Variants in MARCHF1 observed in about 807,000 individuals in gnomAD.
The protein encoded by MARCHF1 is E3 ubiquitin-protein ligase MARCHF1.
MARCHF1 carries 40 observed loss-of-function variants against 54.2 expected under a neutral mutation model. The observed-to-expected ratio is 0.74, with a 90% confidence interval of 0.57 to 0.96. The LOEUF (loss-of-function observed/expected upper bound fraction) is 0.96. Among genes scored for constraint, MARCHF1 ranks in the 40% least tolerant of loss-of-function variants. MARCHF1 has a pLI of 0.00. For synonymous variants in MARCHF1, 236 were observed against 236.3 expected (o/e 1.00, Z 0.01); for missense variants, 586 against 656.5 (o/e 0.89, Z 1.17).
intron 4 of MARCHF1, among the ~76,000 whole-genome samples, chr4:163,841,640 C>T (rs529038459): frequency 2.6e-5 from 4 of 152,004 alleles, no homozygotes; most frequent in Non-Finnish European, 5.9e-5. Flanking sequence ...TTGGATAGTT[C>T]TAGTTTGTCT....
At chr4:164,017,836 C>A (rs200373000) in intron 2 of MARCHF1, among the ~76,000 whole-genome samples, 190 of 137,890 alleles carry the variant, frequency 1.4e-3, no homozygotes, top group Non-Finnish European at 1.6e-3. Flanking sequence ...CCTAAATTAG[C>A]AAAAAAAAAA....
chr4:163,652,128 T>C (rs1350979869), intron 5 of MARCHF1, among the ~76,000 whole-genome samples: 1 of 151,872 alleles, frequency 6.6e-6, no homozygotes, highest in Non-Finnish European at 1.5e-5. Flanking sequence ...CACTATCTCA[T>C]CTAGGAAGGC....
intron 3 of MARCHF1, among the ~76,000 whole-genome samples, chr4:163,985,771 A>G (rs1407299994): frequency 1.3e-5 from 2 of 152,240 alleles, no homozygotes; most frequent in African/African-American, 4.8e-5. Context: ...TTCTGAAATT[A>G]GATCATTTTC....
intron 1 of MARCHF1, among the ~76,000 whole-genome samples, chr4:164,199,673 C>CAGAGAGAG (rs1288691654): frequency 1.8e-4 from 11 of 60,722 alleles, no homozygotes; most frequent in South Asian, 5.8e-4. Context: ...CACACACACA[C>CAGAGAGAG]ACACACACAG....
chr4:163,914,689 G>T (rs1423987487), intron 3 of MARCHF1, among the ~76,000 whole-genome samples: 1 of 152,062 alleles, frequency 6.6e-6, no homozygotes, highest in Non-Finnish European at 1.5e-5. Context: ...GTAATTCTAA[G>T]AAAAATACTA....
chr4:164,241,347 G>A (rs976368167), intron 1 of MARCHF1, among the ~76,000 whole-genome samples: 1 of 152,114 alleles, frequency 6.6e-6, no homozygotes, highest in Admixed American at 6.5e-5. Flanking sequence ...CGATAATTAA[G>A]CTCTTTCTTT....
intron 1 of MARCHF1, among the ~76,000 whole-genome samples, chr4:164,358,414 T>C (rs974263209): frequency 2.0e-5 from 3 of 152,146 alleles, no homozygotes; most frequent in African/African-American, 4.8e-5. Flanking sequence ...GAAAGAATTA[T>C]AAGATAGAAG....
intron 3 of MARCHF1, among the ~76,000 whole-genome samples, chr4:163,944,366 A>C (rs2110762002): frequency 6.6e-6 from 1 of 152,244 alleles, no homozygotes; most frequent in South Asian, 2.1e-4. Flanking sequence ...TACCTCCTTT[A>C]GATTTGATTC....
intron 1 of MARCHF1, among the ~76,000 whole-genome samples, chr4:164,115,990 A>G (rs537569576): frequency 0.026 from 3,919 of 151,238 alleles, 59 homozygotes; most frequent in Non-Finnish European, 0.04. Flanking sequence ...TAGAATAGAG[A>G]AAAACTTTCT....
intron 2 of MARCHF1, among the ~76,000 whole-genome samples, chr4:164,061,060 T>C (rs1313523477): frequency 6.6e-6 from 1 of 152,152 alleles, no homozygotes; most frequent in African/African-American, 2.4e-5. Context: ...TTTTTATCCA[T>C]ACGATTTGTA....
At chr4:163,664,161 G>T (rs1466663675) in intron 5 of MARCHF1, among the ~76,000 whole-genome samples, 1 of 152,088 alleles carries the variant, frequency 6.6e-6, no homozygotes, top group Non-Finnish European at 1.5e-5. Flanking sequence ...TTAAAGCAAA[G>T]AACATGTGTA....
chr4:163,613,232 G>T, intron 6 of MARCHF1, 82 bp downstream of exon 6: 2 of 1,430,264 alleles, frequency 1.4e-6, no homozygotes, highest in East Asian at 2.3e-5. Context: ...AGAAGCAAGA[G>T]ACACACATTC....
At chr4:163,705,981 T>C (rs568861935) in intron 4 of MARCHF1, among the ~76,000 whole-genome samples, 50 of 152,180 alleles carry the variant, frequency 3.3e-4, no homozygotes, top group African/African-American at 1.1e-3. Context: ...CTTAGATACA[T>C]GACAATTAGA....
chr4:163,804,277 A>C (rs1408385518), intron 4 of MARCHF1, among the ~76,000 whole-genome samples: 2 of 152,178 alleles, frequency 1.3e-5, no homozygotes, highest in Non-Finnish European at 2.9e-5. Context: ...AAGCACACCA[A>C]ATACCTCCAT....
At chr4:163,694,689 G>A (rs1744565917) in intron 5 of MARCHF1, among the ~76,000 whole-genome samples, 1 of 152,054 alleles carries the variant, frequency 6.6e-6, no homozygotes, top group African/African-American at 2.4e-5. Context: ...CACATTTTGT[G>A]GGAAATTTGA....
At chr4:164,233,003 T>C (rs143270244) in intron 1 of MARCHF1, among the ~76,000 whole-genome samples, 1 of 152,268 alleles carries the variant, frequency 6.6e-6, no homozygotes, top group East Asian at 1.9e-4. Flanking sequence ...TGTGCAAAAC[T>C]TCCCCTGGAC....
At chr4:163,541,296 T>C (rs1738717008) in intron 9 of MARCHF1, among the ~76,000 whole-genome samples, 1 of 152,252 alleles carries the variant, frequency 6.6e-6, no homozygotes, top group South Asian at 2.1e-4. Context: ...TATGTATACA[T>C]TGAAATACTT....
chr4:164,335,797 A>G (rs1729722491), intron 1 of MARCHF1, among the ~76,000 whole-genome samples: 1 of 152,212 alleles, frequency 6.6e-6, no homozygotes. Context: ...TGCTATAAAT[A>G]TAGTATAAAC....
At chr4:164,080,412 A>G (rs536160645) in intron 2 of MARCHF1, among the ~76,000 whole-genome samples, 81 of 152,194 alleles carry the variant, frequency 5.3e-4, no homozygotes, top group Non-Finnish European at 7.8e-4. Flanking sequence ...TGTACTTCCA[A>G]ATATTCACGT....
Sources: allele counts gnomAD v4.1 joint callset (sites outside exome capture counted in the v4.1 genomes callset), GRCh38; gene constraint gnomAD v4.1.1; transcripts MANE v1.5; gene names NCBI Gene and HGNC (gene_info 2026-07-23, HGNC 2026-07-21).